The following GMPS variants were observed in gnomAD, a reference collection of about 807,000 sequenced individuals.
The protein encoded by GMPS is guanosine monophosphate synthase.
In GMPS, 15 loss-of-function variants were observed where a neutral mutation model predicts 77.9. The observed-to-expected ratio is 0.19, with a 90% confidence interval of 0.13 to 0.30. GMPS has a LOEUF of 0.30. GMPS is among the 10% of genes least tolerant of loss of function. The pLI is 1.00. For missense variants in GMPS, 590 were observed against 838.8 expected, an observed-to-expected ratio of 0.70 and a Z score of 3.66; for synonymous variants, 224 against 275.9, an observed-to-expected ratio of 0.81 and a Z score of 1.86.
chr3:155,910,075 T>C (rs2108101293), intron 5 of GMPS, among the ~76,000 whole-genome samples: 1 of 149,114 alleles, frequency 6.7e-6, no homozygotes, highest in Admixed American at 6.7e-5. Flanking sequence ...AAACCCTGTC[T>C]CTACTAAAAA....
At chr3:155,917,423 T>G (rs1379798989) in intron 9 of GMPS, among the ~76,000 whole-genome samples, 1 of 152,220 alleles carries the variant, frequency 6.6e-6, no homozygotes. Flanking sequence ...CACCCTCTGG[T>G]AACCACCATT....
At position 155,911,182 on chromosome 3, in the gene GMPS, A is replaced by G. The variant is rs1215520492; in HGVS notation, c.789A>G (p.Glu263=). The change falls in exon 7 of 16, where the codon GAA becomes GAG. Residue 263 remains glutamate (E), a synonymous_variant. Coordinates refer to ENST00000496455, the MANE Select transcript of GMPS (RefSeq NM_003875.3). ...TALLNRALNQ[E]QVIAVHIDNG... is the part of the protein sequence containing the mutation. ...TGCTAAATCGTGCTTTGAACCAAGA[A>G]CAAGTCATTGCTGTGCACATTGATA... 6.2e-7 allele frequency: 1 copy of G among 1,612,916 alleles called. No individual in the cohort carries two copies.
At chr3:155,898,090 T>A in intron 3 of GMPS, 49 bp downstream of exon 3, 1 of 885,318 alleles carries the variant, frequency 1.1e-6, no homozygotes, top group Non-Finnish European at 1.9e-6. Context: ...TTATTCTGTT[T>A]GTGAGTCATA....
At chr3:155,869,477 C>T (rs1196366996), upstream of GMPS, among the ~76,000 whole-genome samples, 1 of 152,010 alleles carries the variant, frequency 6.6e-6, no homozygotes, top group Non-Finnish European at 1.5e-5. Context: ...TTCAATTTTC[C>T]GTTCAAAAAA....
At chr3:155,907,496 G>C (rs1170514377) in intron 5 of GMPS, among the ~76,000 whole-genome samples, 1 of 152,048 alleles carries the variant, frequency 6.6e-6, no homozygotes, top group Admixed American at 6.6e-5. Context: ...GGCTGAGGTG[G>C]GAGAATCATT....
intron 12 of GMPS, among the ~76,000 whole-genome samples, chr3:155,928,241 G>T (rs1755506695): frequency 6.6e-6 from 1 of 151,340 alleles, no homozygotes; most frequent in Admixed American, 6.6e-5. Flanking sequence ...TGCCCAGGTT[G>T]GTCTCGAACT....
chr3:155,886,611 C>CT lies in GMPS; in HGVS notation c.28-6880dup, dbSNP rs58367815. On this transcript the variant is annotated intron_variant, in intron 1 of 15. Coordinates refer to ENST00000496455, the MANE Select transcript of GMPS (RefSeq NM_003875.3). ...AATCTAGCATGTCTATTCCTGATGA[C>CT]TTTTTTTTTTTTTTTTTTTTTTTTT... Among the ~76,000 whole-genome samples the CT allele has an allele frequency of 7.0e-3, 545 of 78,040 alleles. 33 individuals are homozygous for CT. Among genetic ancestry groups the CT allele is most frequent in the South Asian group, 0.019 (33 of 1,720 alleles). 51.2% of individuals were successfully genotyped at this position (78,040 alleles called of 152,430 possible).
chr3:155,894,504 G>A (rs1180702754), intron 2 of GMPS, among the ~76,000 whole-genome samples: 2 of 151,902 alleles, frequency 1.3e-5, no homozygotes. Flanking sequence ...GATTACCGGC[G>A]TGAGCCACCG....
chr3:155,875,129 G>C lies in GMPS; in HGVS notation c.27+4232G>C, dbSNP rs566773212. ...GACAGGGTTTCACCATGTTGGCCAG[G>C]CTGGTCTCTAACCCTTGACCTCAAG... On this transcript the variant is annotated intron_variant, in intron 1 of 15. Coordinates refer to ENST00000496455, the MANE Select transcript of GMPS (RefSeq NM_003875.3). Among the ~76,000 whole-genome samples, 26 of 152,150 alleles carry C rather than the reference G, an allele frequency of 1.7e-4. No homozygotes were observed. The South Asian group carries it at 5.4e-3, about 32-fold the overall frequency.
At chr3:155,924,739 A>G (rs1405727105) in intron 11 of GMPS, among the ~76,000 whole-genome samples, 3 of 152,230 alleles carry the variant, frequency 2.0e-5, no homozygotes, top group Non-Finnish European at 4.4e-5. Context: ...TTCCTAGTTA[A>G]GACATAGACA....
At chr3:155,909,092 G>T (rs1397213909) in intron 5 of GMPS, among the ~76,000 whole-genome samples, 1 of 152,158 alleles carries the variant, frequency 6.6e-6, no homozygotes, top group Non-Finnish European at 1.5e-5. Flanking sequence ...AAGTACTGTG[G>T]TATAGTAGAA....
At chr3:155,875,675 CTT>C (rs1487610718) in intron 1 of GMPS, among the ~76,000 whole-genome samples, 1 of 152,156 alleles carries the variant, frequency 6.6e-6, no homozygotes, top group Non-Finnish European at 1.5e-5. Context: ...AATTTTAAAT[CTT>C]TGTGTGGCAT....
At chr3:155,927,957 G>A (rs541585253) in intron 12 of GMPS, among the ~76,000 whole-genome samples, 4 of 151,106 alleles carry the variant, frequency 2.6e-5, no homozygotes, top group African/African-American at 9.7e-5. Context: ...TATTATTATA[G>A]GCATCCCATC....
At chr3:155,922,017 A>T (rs1755329415) in intron 10 of GMPS, among the ~76,000 whole-genome samples, 170 bp from the exon 11 acceptor site, 1 of 152,224 alleles carries the variant, frequency 6.6e-6, no homozygotes, top group African/African-American at 2.4e-5. Flanking sequence ...ATTCTAAAAA[A>T]TGCTGAGTTG....
chr3:155,937,431 G>T (rs1489754903), intron 15 of GMPS, among the ~76,000 whole-genome samples, 160 bp from the exon 16 acceptor site: 1 of 152,174 alleles, frequency 6.6e-6, no homozygotes, highest in Non-Finnish European at 1.5e-5. Flanking sequence ...CTGCAGAGGG[G>T]AATAGGTTCA....
chr3:155,897,394 G>A (rs1754628879), intron 2 of GMPS, among the ~76,000 whole-genome samples: 1 of 152,128 alleles, frequency 6.6e-6, no homozygotes, highest in Admixed American at 6.5e-5. Flanking sequence ...TCCCTTTCCT[G>A]GGCTCAGGGA....
At position 155,936,519 on chromosome 3, in the gene GMPS, T is replaced by C. The variant is rs1172909029; in HGVS notation, c.1980+9T>C. 3 of 1,554,756 alleles carry C rather than the reference T, an allele frequency of 1.9e-6. No homozygotes were observed. Among genetic ancestry groups the C allele is most frequent in the Admixed American group, 1.7e-5 (1 of 59,326 alleles). ...ATGAGATCCCTGTAGAGGTAATTTA[T>C]ATATTTTTTTCTAATGCACGTTCTC... On this transcript the variant is annotated intron_variant, in intron 15 of 15. Transcript: ENST00000496455.
At chr3:155,935,650 A>G (rs906857145) in intron 14 of GMPS, among the ~76,000 whole-genome samples, 3 of 152,194 alleles carry the variant, frequency 2.0e-5, no homozygotes, top group Admixed American at 1.3e-4. Context: ...CAGCTCTCAT[A>G]ATGTGAACAA....
intron 13 of GMPS, among the ~76,000 whole-genome samples, chr3:155,934,128 G>T (rs1334617978): frequency 1.3e-5 from 2 of 152,146 alleles, no homozygotes; most frequent in Non-Finnish European, 2.9e-5. Context: ...ATTCACTGTA[G>T]TTTCCTCTTG....
Sources: allele counts gnomAD v4.1 joint callset (sites outside exome capture counted in the v4.1 genomes callset), GRCh38; gene constraint gnomAD v4.1.1; transcripts MANE v1.5; gene names NCBI Gene and HGNC (gene_info 2026-07-23, HGNC 2026-07-21).